SLC25A26: variants seen among roughly 807,000 people sequenced by gnomAD.
The protein encoded by SLC25A26 is solute carrier family 25 member 26, also known as mitochondrial S-adenosylmethionine carrier protein.
SLC25A26 carries 36 observed loss-of-function variants against 37.8 expected under a neutral mutation model. The observed-to-expected ratio is 0.95, with a 90% CI of 0.73 to 1.26. The LOEUF (loss-of-function observed/expected upper bound fraction) is 1.26. SLC25A26 is among the 50% of genes most tolerant of loss of function. SLC25A26 has a pLI of 0.00. For synonymous variants in SLC25A26, 129 were observed against 122.5 expected (o/e 1.05, Z -0.35); for missense variants, 390 against 331.1 (o/e 1.18, Z -1.38).
intron 1 of SLC25A26, among the ~76,000 whole-genome samples, chr3:66,192,401 G>A (rs2070963425): frequency 6.6e-6 from 1 of 151,554 alleles, no homozygotes; most frequent in Non-Finnish European, 1.5e-5. Flanking sequence ...TGAGAAGACA[G>A]TTACCTGTAA....
chr3:66,260,284 C>G (rs1174023962), intron 3 of SLC25A26, among the ~76,000 whole-genome samples: 1 of 152,054 alleles, frequency 6.6e-6, no homozygotes, highest in Non-Finnish European at 1.5e-5. Flanking sequence ...TCTTCTTTAT[C>G]ATGGAGTGGC....
chr3:66,299,152 A>G (rs2074996283), intron 5 of SLC25A26, among the ~76,000 whole-genome samples: 1 of 152,178 alleles, frequency 6.6e-6, no homozygotes, highest in Non-Finnish European at 1.5e-5. Flanking sequence ...ATGTGCGTGT[A>G]TATGCACCCA....
chr3:66,344,819 G>A (rs1347898402), intron 5 of SLC25A26, among the ~76,000 whole-genome samples: 1 of 152,198 alleles, frequency 6.6e-6, no homozygotes, highest in Non-Finnish European at 1.5e-5. Flanking sequence ...TACTGTGGGT[G>A]AATTTATATG....
chr3:66,286,449 AT>A (rs368011295), intron 5 of SLC25A26, among the ~76,000 whole-genome samples: 4 of 150,462 alleles, frequency 2.7e-5, no homozygotes, highest in Non-Finnish European at 3.0e-5. Flanking sequence ...TGTTGAAAAG[AT>A]TTTTTTTTTC....
chr3:66,213,105 T>G (rs1171928296), intron 1 of SLC25A26, among the ~76,000 whole-genome samples: 3 of 152,134 alleles, frequency 2.0e-5, no homozygotes, highest in Non-Finnish European at 2.9e-5. Flanking sequence ...TTTCAAGAAC[T>G]AGGCCTGGCG....
At chr3:66,145,286 C>G (rs567675274) in intron 1 of SLC25A26, among the ~76,000 whole-genome samples, 168 of 152,126 alleles carry the variant, frequency 1.1e-3, no homozygotes, top group African/African-American at 3.9e-3. Context: ...GTGAATGTTC[C>G]CAGTCGTTCT....
chr3:66,242,476 G>C (rs189817528), intron 2 of SLC25A26, among the ~76,000 whole-genome samples: 1 of 152,288 alleles, frequency 6.6e-6, no homozygotes, highest in East Asian at 1.9e-4. Flanking sequence ...CCATCAAGCT[G>C]TTTTCCTTAG....
chr3:66,296,064 C>T (rs1330398744), intron 5 of SLC25A26, among the ~76,000 whole-genome samples: 1 of 151,994 alleles, frequency 6.6e-6, no homozygotes, highest in African/African-American at 2.4e-5. Flanking sequence ...TTGCAATGAG[C>T]CGTGATCGCA....
At chr3:66,343,354 C>T (rs577307374) in intron 5 of SLC25A26, among the ~76,000 whole-genome samples, 1 of 152,294 alleles carries the variant, frequency 6.6e-6, no homozygotes, top group South Asian at 2.1e-4. Context: ...TATTTCACTA[C>T]TAGAAGTCAG....
chr3:66,191,846 G>A (rs1042031751), intron 1 of SLC25A26, among the ~76,000 whole-genome samples: 1 of 151,906 alleles, frequency 6.6e-6, no homozygotes, highest in Non-Finnish European at 1.5e-5. Flanking sequence ...AGCGGAGGTT[G>A]TGGTGAGCCA....
intron 5 of SLC25A26, among the ~76,000 whole-genome samples, chr3:66,313,271 A>C (rs1467390111): frequency 6.6e-6 from 1 of 152,118 alleles, no homozygotes; most frequent in Non-Finnish European, 1.5e-5. Context: ...TTTTACAGTT[A>C]AGTCTTTGAT....
chr3:66,159,769 A>G (rs2070331708), intron 1 of SLC25A26, among the ~76,000 whole-genome samples: 1 of 152,136 alleles, frequency 6.6e-6, no homozygotes, highest in South Asian at 2.1e-4. Context: ...AGCAAAGCCT[A>G]TAGTAACTTT....
intron 1 of SLC25A26, among the ~76,000 whole-genome samples, chr3:66,163,420 G>A (rs559015228): frequency 1.3e-5 from 2 of 151,862 alleles, no homozygotes; most frequent in African/African-American, 4.8e-5. Flanking sequence ...TTTTTTCCCC[G>A]GTCCTTTGTC....
chr3:66,184,830 C>T (rs2070795202), intron 1 of SLC25A26, among the ~76,000 whole-genome samples: 2 of 152,176 alleles, frequency 1.3e-5, no homozygotes, highest in Admixed American at 6.5e-5. Context: ...TGTCCCTGGT[C>T]GTGACCCTGA....
intron 1 of SLC25A26, among the ~76,000 whole-genome samples, chr3:66,207,056 A>C (rs953845049): frequency 6.6e-6 from 1 of 151,706 alleles, no homozygotes; most frequent in Non-Finnish European, 1.5e-5. Flanking sequence ...TACAGGTTCT[A>C]TGTGGCGATC....
At chr3:66,143,259 T>G (rs1277860965) in intron 1 of SLC25A26, among the ~76,000 whole-genome samples, 2 of 152,242 alleles carry the variant, frequency 1.3e-5, no homozygotes, top group Non-Finnish European at 2.9e-5. Flanking sequence ...TTTAAGTTGT[T>G]TCTACCTTTT....
intron 2 of SLC25A26, among the ~76,000 whole-genome samples, chr3:66,237,932 G>A (rs904164740): frequency 1.3e-5 from 2 of 152,162 alleles, no homozygotes; most frequent in African/African-American, 4.8e-5. Flanking sequence ...AAGGTTTGTA[G>A]TGCAAAGAGA....
At chr3:66,147,793 C>T (rs1044165804) in intron 1 of SLC25A26, among the ~76,000 whole-genome samples, 1 of 152,116 alleles carries the variant, frequency 6.6e-6, no homozygotes, top group Non-Finnish European at 1.5e-5. Context: ...GAGCCTTGCT[C>T]TGTCACCCAG....
chr3:66,377,167 A>T (rs1221235103), intron 9 of SLC25A26, among the ~76,000 whole-genome samples: 6 of 152,292 alleles, frequency 3.9e-5, no homozygotes, highest in Non-Finnish European at 7.4e-5. Context: ...GGTTAGCAGC[A>T]CCTTCTGTGA....
Sources: gnomAD v4.1 joint callset for allele counts (sites outside exome capture counted in the v4.1 genomes callset) on GRCh38, gnomAD v4.1.1 for gene constraint, MANE v1.5 for transcripts, NCBI Gene and HGNC (gene_info 2026-07-23, HGNC 2026-07-21) for gene names.